The following CNTFR variants were observed in gnomAD, a reference collection of about 807,000 sequenced individuals.
CNTFR encodes ciliary neurotrophic factor receptor subunit alpha.
CNTFR carries 12 observed loss-of-function variants against 40.4 expected under a neutral mutation model. That is an observed-to-expected ratio of 0.30 (90% CI 0.19 to 0.48). CNTFR has a LOEUF of 0.48. Ranked by LOEUF, CNTFR falls within the 20% of genes least tolerant of loss-of-function variation. CNTFR has a pLI of 0.99. For synonymous variants in CNTFR, 202 were observed against 209.6 expected (o/e 0.96, Z 0.31); for missense variants, 414 against 506.8 (o/e 0.82, Z 1.76).
At position 34,557,552 on chromosome 9, in the gene CNTFR, G is replaced by A. The variant is rs1262103085; in HGVS notation, c.578C>T (p.Ala193Val). The A allele has an allele frequency of 1.2e-6, 2 of 1,614,190 alleles. No homozygotes were observed. Among genetic ancestry groups the A allele is most frequent in the Non-Finnish European group, 1.7e-6 (2 of 1,180,026 alleles). ...AATGGTGAACTCGTCAAAGGTGATAGCTGTGGCATTGTGGCCCAGGGCATT... is the reference window on the plus strand; with the variant it reads ...AATGGTGAACTCGTCAAAGGTGATAACTGTGGCATTGTGGCCCAGGGCATT... The part of the protein sequence containing the change: ...VSNALGHNAT[A>V]ITFDEFTIVK... Residue 193 changes from alanine (A) to valine (V), a missense_variant, in exon 6 of 10, where the codon GCT becomes GTT. Physicochemically the swap from Ala to Val is moderately conservative, Grantham distance 64. This residue lies in a region of CNTFR where 250 missense variants were observed against 269.5 expected (regional missense o/e 0.93). Coordinates refer to ENST00000378980, the MANE Select transcript of CNTFR (RefSeq NM_147164.3). The surrounding 1 kb of genome is among the most constrained non-coding windows in gnomAD (Gnocchi z 4.2).
At chr9:34,560,076 C>G (rs1826008486) in intron 4 of CNTFR, among the ~76,000 whole-genome samples, 1 of 152,188 alleles carries the variant, frequency 6.6e-6, no homozygotes, top group South Asian at 2.1e-4. Flanking sequence ...GCTTGGGTTT[C>G]CTGACAGGGA....
rs556282994 is a variant in CNTFR at position 34,572,052 on chromosome 9, G to A, written c.1-3071C>T. 1.8e-4 allele frequency among the ~76,000 whole-genome samples: 28 copies of A among 152,050 alleles called. 1 individual carries two copies. Among genetic ancestry groups the A allele is most frequent in the Non-Finnish European group, 4.0e-4 (27 of 67,974 alleles). On this transcript the variant is annotated intron_variant, in intron 2 of 9. Transcript: ENST00000378980. The stretch of plus-strand genomic sequence containing the variant: ...TAGCACAATGGAGGATGGGATGGTG[G>A]TCAATGCAATGTGAGGCAAGAACAG...
rs112258878 is a variant in CNTFR, at chr9:34,557,194, G to A, written c.604+332C>T. Among the ~76,000 whole-genome samples the A allele has an allele frequency of 1.3e-5, 2 of 151,310 alleles. No individual in the cohort carries two copies. Among genetic ancestry groups the A allele is most frequent in the Admixed American group, 6.6e-5 (1 of 15,192 alleles). On this transcript the variant is annotated intron_variant, in intron 6 of 9. Transcript: ENST00000378980. This position sits in a 1 kb window ranked among gnomAD's most constrained non-coding sequence, Gnocchi z 4.2. ...GTCCGTAAGGAAGCCATTAGAGTTG[G>A]GGGGGGGTGCGGTGGAGGCTGCAGC...
intron 3 of CNTFR, among the ~76,000 whole-genome samples, chr9:34,567,822 A>G (rs1826378048): frequency 6.6e-6 from 1 of 152,184 alleles, no homozygotes; most frequent in South Asian, 2.1e-4. Context: ...CACCCTCACA[A>G]GAACACAGTT....
rs4878581 is a variant in CNTFR, at chr9:34,572,396, G to C, written c.1-3415C>G. ...CACACCCCATGGCTCTGAGATAGAT[G>C]TGCAGGATAAATCCCATAGAGCCCC... On this transcript the variant is annotated intron_variant, in intron 2 of 9. Transcript: ENST00000378980. Among the ~76,000 whole-genome samples, 3 of 152,230 alleles carry C rather than the reference G, an allele frequency of 2.0e-5. No homozygotes were observed. In the East Asian group the frequency reaches 5.8e-4, roughly 30 times the overall value.
At chr9:34,571,200 G>A (rs1254230462) in intron 2 of CNTFR, 1 of 152,384 alleles carries the variant, frequency 6.6e-6, no homozygotes, top group Non-Finnish European at 1.5e-5. Context: ...ATGAACCCAG[G>A]ACTGCCTGAA....
intron 4 of CNTFR, among the ~76,000 whole-genome samples, chr9:34,561,501 GGGA>G (rs1255405510): frequency 6.6e-6 from 1 of 152,120 alleles, no homozygotes; most frequent in Non-Finnish European, 1.5e-5. Flanking sequence ...CGTCATCCTA[GGGA>G]GGAGAGGAGT....
Position 34,560,620 on chromosome 9 carries a change from G to A in CNTFR, c.320-2636C>T, listed in dbSNP as rs117871964. Among the ~76,000 whole-genome samples, 223 of 152,342 alleles carry A rather than the reference G, an allele frequency of 1.5e-3. 2 individuals are homozygous for A. The East Asian group carries it at 0.02, about 14-fold the overall frequency. On this transcript the variant is annotated intron_variant, in intron 4 of 9. Coordinates refer to ENST00000378980, the MANE Select transcript of CNTFR (RefSeq NM_147164.3). ...CCCAGAATTCACAGCATGTTCACAC[G>A]TATGAACTGAACACCGTGTGAGTGC...
chr9:34,553,444 A>G lies in CNTFR; in HGVS notation c.769-590T>C, dbSNP rs116692142. On this transcript the variant is annotated intron_variant, in intron 7 of 9. Transcript: ENST00000378980. ...AGAGTATCCACCTCTTAGGGTTACA[A>G]TGAGGACCAAGGCATGAGGACAGCA... is the stretch of plus-strand genomic sequence containing the variant. Among the ~76,000 whole-genome samples, 314 of 152,294 alleles carry G rather than the reference A, an allele frequency of 2.1e-3. 1 individual carries two copies. Among genetic ancestry groups the G allele is most frequent in the African/African-American group, 6.2e-3 (257 of 41,562 alleles).
rs554175073 is a variant in CNTFR at position 34,559,835 on chromosome 9, C to T, written c.320-1851G>A. On this transcript the variant is annotated intron_variant, in intron 4 of 9. Coordinates refer to ENST00000378980, the MANE Select transcript of CNTFR (RefSeq NM_147164.3). ...ACTCCTCGGAGGGCAGAGCGGGCCA[C>T]GGCACTGTACTCACAGGCCCCCACC... Among the ~76,000 whole-genome samples the T allele has an allele frequency of 3.7e-3, 567 of 152,278 alleles. 3 individuals are homozygous for T. The highest frequency in any genetic ancestry group is 0.013 in the African/African-American group (540 of 41,558).
intron 1 of CNTFR, among the ~76,000 whole-genome samples, chr9:34,587,806 T>C (rs1827606275): frequency 6.6e-6 from 1 of 152,146 alleles, no homozygotes; most frequent in Non-Finnish European, 1.5e-5. Flanking sequence ...GTGTGAGCTC[T>C]AGGTCTCAAT....
chr9:34,555,534 G>C (rs1825799811), intron 7 of CNTFR, among the ~76,000 whole-genome samples: 2 of 152,074 alleles, frequency 1.3e-5, no homozygotes, highest in Non-Finnish European at 2.9e-5. Context: ...CTGTTCCCCA[G>C]AGCTCTCTAT....
intron 4 of CNTFR, among the ~76,000 whole-genome samples, chr9:34,564,228 T>C (rs1826186188): frequency 6.6e-6 from 1 of 152,150 alleles, no homozygotes; most frequent in Admixed American, 6.5e-5. Flanking sequence ...TGACTAGCCC[T>C]TGTGGGAGCA....
intron 4 of CNTFR, 64 bp from the exon 5 acceptor site, chr9:34,558,048 G>A: frequency 8.4e-7 from 1 of 1,197,280 alleles, no homozygotes; most frequent in Non-Finnish European, 1.1e-6. Context: ...ACTGTATGGG[G>A]ACAGGTGGGC....
Position 34,551,935 on chromosome 9 carries a change from T to A in CNTFR, c.*136A>T. The stretch of plus-strand genomic sequence containing the variant: ...GGCGGCAGGCCCGGGCCCGCCGGGG[T>A]CTCCACAAATTGTGTCTGAAGAGAA... On this transcript the variant is annotated 3_prime_UTR_variant, in exon 10 of 10. Transcript: ENST00000378980. 1 of 724,586 alleles carries A rather than the reference T, an allele frequency of 1.4e-6. No homozygotes were observed. The highest frequency in any genetic ancestry group is 2.5e-6 in the Non-Finnish European group (1 of 396,168). The allele number at this position is 724,586 out of a possible 1,614,324, so 44.9% of individuals were successfully genotyped here.
At chr9:34,567,823 G>A (rs1042705683) in intron 3 of CNTFR, among the ~76,000 whole-genome samples, 1 of 152,150 alleles carries the variant, frequency 6.6e-6, no homozygotes, top group Non-Finnish European at 1.5e-5. Context: ...ACCCTCACAA[G>A]AACACAGTTT....
chr9:34,576,726 C>T (rs1826984310), intron 2 of CNTFR, among the ~76,000 whole-genome samples: 1 of 152,236 alleles, frequency 6.6e-6, no homozygotes, highest in Non-Finnish European at 1.5e-5. Flanking sequence ...GATGGTGGCA[C>T]TGGAATCAGC....
At chr9:34,571,607 G>A (rs1237343119) in intron 2 of CNTFR, among the ~76,000 whole-genome samples, 1 of 151,856 alleles carries the variant, frequency 6.6e-6, no homozygotes, top group Non-Finnish European at 1.5e-5. Flanking sequence ...CCCGCGGGGG[G>A]AGGGGTGGCT....
intron 2 of CNTFR, among the ~76,000 whole-genome samples, chr9:34,579,263 C>A (rs113287398): frequency 1.3e-5 from 2 of 151,978 alleles, no homozygotes; most frequent in African/African-American, 4.8e-5. Flanking sequence ...AATGGGGTTA[C>A]GGGCTTGGAT....
Sources: allele counts gnomAD v4.1 joint callset (sites outside exome capture counted in the v4.1 genomes callset), GRCh38; gene constraint gnomAD v4.1.1; regional missense constraint gnomAD v4.1.1; non-coding constraint Gnocchi (gnomAD v3.1); transcripts MANE v1.5; gene names NCBI Gene and HGNC (gene_info 2026-07-23, HGNC 2026-07-21).